The following RSRC2 variants were observed in gnomAD, a reference collection of about 807,000 sequenced individuals.
RSRC2 encodes arginine/serine-rich coiled-coil protein 2.
Under a neutral mutation model 61.3 loss-of-function variants are expected in RSRC2, and 5 were observed. The observed-to-expected ratio is 0.08, with a 90% CI of 0.04 to 0.17. The LOEUF (loss-of-function observed/expected upper bound fraction) is 0.17, where lower values mean the gene tolerates loss of function less well. RSRC2 is among the 10% of genes least tolerant of loss of function. The pLI is 1.00. For synonymous variants in RSRC2, 202 were observed against 166.5 expected (o/e 1.21, Z -1.64); for missense variants, 381 against 518.8 (o/e 0.73, Z 2.58).
intron 3 of RSRC2, chr12:122,520,618 G>A (rs781685843): frequency 3.1e-6 from 4 of 1,305,100 alleles, no homozygotes; most frequent in Non-Finnish European, 4.1e-6. Context: ...TATCATGTGA[G>A]CTAAACAAAA....
intron 3 of RSRC2, 166 bp downstream of exon 3, chr12:122,521,219 T>C (rs192794695): frequency 8.1e-5 from 40 of 493,004 alleles, no homozygotes; most frequent in South Asian, 2.6e-4. Flanking sequence ...ATAAACATCT[T>C]CTTCAAAAAT....
intron 6 of RSRC2, among the ~76,000 whole-genome samples, chr12:122,514,250 TTGTGTGTG>T (rs949028606): frequency 1.4e-4 from 20 of 143,954 alleles, no homozygotes; most frequent in Admixed American, 7.8e-4. Context: ...AAATTTATTT[TTGTGTGTG>T]TGTGTGTGTG....
At chr12:122,520,428 TAA>T in intron 3 of RSRC2, 1 of 869,106 alleles carries the variant, frequency 1.2e-6, no homozygotes, top group Non-Finnish European at 1.7e-6. Context: ...ACTATTAATT[TAA>T]AAAAAACATT....
intron 1 of RSRC2, among the ~76,000 whole-genome samples, chr12:122,525,068 T>G (rs1369725954): frequency 6.6e-6 from 1 of 152,144 alleles, no homozygotes; most frequent in Non-Finnish European, 1.5e-5. Flanking sequence ...ATGTTTAAAT[T>G]CACTTTTTAA....
chr12:122,521,258 A>G, intron 3 of RSRC2, 127 bp downstream of exon 3: 1 of 575,430 alleles, frequency 1.7e-6, no homozygotes, highest in Non-Finnish European at 3.1e-6. Flanking sequence ...TTATTTTATA[A>G]CCCAATAAAC....
chr12:122,519,049 G>C lies in RSRC2; in HGVS notation c.208-20C>G. 6.2e-7 allele frequency: 1 copy of C among 1,607,668 alleles called. No individual in the cohort carries two copies. Among genetic ancestry groups the C allele is most frequent in the Non-Finnish European group, 8.5e-7 (1 of 1,176,228 alleles). On this transcript the variant is annotated intron_variant, in intron 3 of 9. Coordinates refer to ENST00000331738, the MANE Select transcript of RSRC2 (RefSeq NM_023012.6). ...TCTTCCCTGTTTTAAGAAGAAGTTG[G>C]TTCTTTCAGGAAAATAGTGCAACAA...
intron 7 of RSRC2, 58 bp from the exon 8 acceptor site, chr12:122,508,505 G>T: frequency 7.7e-7 from 1 of 1,306,354 alleles, no homozygotes; most frequent in South Asian, 1.3e-5. Context: ...TAAACCTCCT[G>T]ATTTACATTA....
rs1168632611 is a variant in RSRC2, at chr12:122,503,671, C to CCATA, written c.*1852_*1855dup. On this transcript the variant is annotated 3_prime_UTR_variant, in exon 10 of 10. Transcript: ENST00000331738. ...TGTTGATGATCACGAAATGAAGGAT[C>CCATA]CATAGTGTCATTTCCTTAGAAGGCT... 4 of 152,104 alleles carry CCATA rather than the reference C, an allele frequency of 2.6e-5. No homozygotes were observed. Among genetic ancestry groups the CCATA allele is most frequent in the Non-Finnish European group, 5.9e-5 (4 of 68,020 alleles). The allele number at this position is 152,104 out of a possible 1,614,324, so 9.4% of individuals were successfully genotyped here.
At chr12:122,517,122 T>A in intron 5 of RSRC2, 105 bp downstream of exon 5, 1 of 1,515,092 alleles carries the variant, frequency 6.6e-7, no homozygotes. Context: ...TACCATAATC[T>A]ATAAATAGAA....
chr12:122,523,548 C>T (rs1054554426), intron 1 of RSRC2: 1 of 152,180 alleles, frequency 6.6e-6, no homozygotes, highest in African/African-American at 2.4e-5. Flanking sequence ...TATTTACCGT[C>T]TGGCCCTTTA....
intron 8 of RSRC2, 102 bp from the exon 9 acceptor site, chr12:122,507,025 T>G: frequency 7.3e-6 from 5 of 688,316 alleles, no homozygotes; most frequent in Non-Finnish European, 7.6e-6. Context: ...ACACCATGGA[T>G]AGCATTCAAT....
intron 8 of RSRC2, chr12:122,507,892 C>T (rs1371794762): frequency 7.9e-6 from 3 of 378,224 alleles, no homozygotes; most frequent in East Asian, 6.5e-5. Context: ...GCTCTGCATC[C>T]CAGGCTCAAG....
At chr12:122,521,783 T>TA (rs1207801396) in intron 2 of RSRC2, among the ~76,000 whole-genome samples, 4 of 152,036 alleles carry the variant, frequency 2.6e-5, no homozygotes, top group Non-Finnish European at 5.9e-5. Flanking sequence ...CTAAAGAAAA[T>TA]AAACAGGTTG....
At chr12:122,509,891 T>A (rs1038724962) in intron 7 of RSRC2, among the ~76,000 whole-genome samples, 1 of 152,166 alleles carries the variant, frequency 6.6e-6, no homozygotes, top group Non-Finnish European at 1.5e-5. Context: ...CAGGCTAGAG[T>A]GCAATGGCGT....
chr12:122,509,827 GTTTT>G (rs914996459), intron 7 of RSRC2, among the ~76,000 whole-genome samples: 2 of 151,934 alleles, frequency 1.3e-5, no homozygotes, highest in Non-Finnish European at 2.9e-5. Flanking sequence ...ATAATTTTTT[GTTTT>G]TTGTTTTTGT....
intron 1 of RSRC2, among the ~76,000 whole-genome samples, chr12:122,524,386 C>G (rs886106129): frequency 6.6e-6 from 1 of 152,122 alleles, no homozygotes; most frequent in African/African-American, 2.4e-5. Flanking sequence ...CTCAGTTGCA[C>G]GACACTTTTG....
intron 7 of RSRC2, 44 bp from the exon 8 acceptor site, chr12:122,508,491 A>C: frequency 7.0e-7 from 1 of 1,423,598 alleles, no homozygotes; most frequent in South Asian, 1.2e-5. Context: ...ACGATTTTAA[A>C]ACATAAACCT....
chr12:122,519,712 C>T (rs1324402159), intron 3 of RSRC2: 6 of 152,436 alleles, frequency 3.9e-5, no homozygotes, highest in Admixed American at 3.9e-4. Flanking sequence ...AGAAACCAAA[C>T]TAGGTATAAC....
intron 1 of RSRC2, chr12:122,523,540 T>C (rs564758427): frequency 6.6e-6 from 1 of 152,218 alleles, no homozygotes; most frequent in South Asian, 2.1e-4. Context: ...GCCAAAAATA[T>C]TTACCGTCTG....
Sources: gnomAD v4.1 joint callset for allele counts (sites outside exome capture counted in the v4.1 genomes callset) on GRCh38, gnomAD v4.1.1 for gene constraint, MANE v1.5 for transcripts, NCBI Gene and HGNC (gene_info 2026-07-23, HGNC 2026-07-21) for gene names.